CLASP1: variants seen among roughly 807,000 people sequenced by gnomAD.
The protein encoded by CLASP1 is CLIP-associating protein 1.
CLASP1 carries 38 observed loss-of-function variants against 192.3 expected under a neutral mutation model. That is an observed-to-expected ratio of 0.20 (90% CI 0.15 to 0.26). The LOEUF is 0.26. Among genes scored for constraint, CLASP1 ranks in the 10% least tolerant of loss-of-function variants. The pLI is 1.00. For missense variants in CLASP1, 1,433 were observed against 1,932.5 expected (o/e 0.74, Z 4.85); for synonymous variants, 691 against 712.8 (o/e 0.97, Z 0.49).
At chr2:121,354,763 GT>G (rs2065089299) in intron 37 of CLASP1, among the ~76,000 whole-genome samples, 1 of 152,192 alleles carries the variant, frequency 6.6e-6, no homozygotes. Flanking sequence ...AATATCTGAG[GT>G]CCCCTGGGAG....
At chr2:121,401,954 C>A (rs773373001) in intron 26 of CLASP1, 84 bp from the exon 28 acceptor site, 3 of 549,326 alleles carry the variant, frequency 5.5e-6, no homozygotes, top group East Asian at 4.4e-5. Context: ...CATTTTCATG[C>A]GTTTTTTTAA....
intron 34 of CLASP1, among the ~76,000 whole-genome samples, chr2:121,372,664 C>A (rs1371258162): frequency 6.6e-6 from 1 of 152,220 alleles, no homozygotes; most frequent in Admixed American, 6.5e-5. Context: ...TCTGCTCATG[C>A]CCTATTCAAT....
chr2:121,545,103 G>C (rs1043421677), intron 2 of CLASP1, among the ~76,000 whole-genome samples: 9 of 151,900 alleles, frequency 5.9e-5, no homozygotes, highest in African/African-American at 2.2e-4. Context: ...GTAGAGACAG[G>C]GTTTCACTAT....
At chr2:121,489,513 C>G (rs906729124) in intron 8 of CLASP1, among the ~76,000 whole-genome samples, 1 of 152,104 alleles carries the variant, frequency 6.6e-6, no homozygotes, top group African/African-American at 2.4e-5. Flanking sequence ...CTGGAAATAC[C>G]CTTTGAAGAC....
intron 28 of CLASP1, among the ~76,000 whole-genome samples, chr2:121,400,353 G>C (rs1375597929): frequency 6.6e-6 from 1 of 152,160 alleles, no homozygotes; most frequent in Non-Finnish European, 1.5e-5. Context: ...AGGGTCAAGG[G>C]CCAAAAGAAA....
chr2:121,414,893 G>A (rs908051341), intron 23 of CLASP1, among the ~76,000 whole-genome samples: 5 of 151,984 alleles, frequency 3.3e-5, no homozygotes. Flanking sequence ...AAGCAGATCC[G>A]CCTGCCTCAG....
intron 34 of CLASP1, among the ~76,000 whole-genome samples, chr2:121,376,224 C>T (rs1317222554): frequency 1.3e-5 from 2 of 152,162 alleles, no homozygotes; most frequent in African/African-American, 2.4e-5. Context: ...GATGCCTACA[C>T]CCTCATGTTT....
intron 33 of CLASP1, among the ~76,000 whole-genome samples, chr2:121,379,981 G>A (rs1429638311): frequency 6.6e-6 from 1 of 152,172 alleles, no homozygotes; most frequent in Non-Finnish European, 1.5e-5. Context: ...AATTGAAGGT[G>A]TCTTCTTTTA....
chr2:121,439,277 G>GCT (rs1185271561), intron 19 of CLASP1, among the ~76,000 whole-genome samples: 1 of 152,134 alleles, frequency 6.6e-6, no homozygotes, highest in Non-Finnish European at 1.5e-5. Flanking sequence ...CAAAAAACCA[G>GCT]CTCCTGGATT....
rs143805818 is a variant in CLASP1 at position 121,502,247 on chromosome 2, C to T, written c.712+920G>A. ...ATCACAAGCCAGGGACTCTTCAAGG[C>T]GTTGAATTTATGCTCATTGAGAAAA... On this transcript the variant is annotated intron_variant, in intron 8 of 39. Transcript: ENST00000263710. 7.2e-5 allele frequency among the ~76,000 whole-genome samples: 11 copies of T among 152,080 alleles called. No homozygotes were observed. The East Asian group carries it at 1.7e-3, about 24-fold the overall frequency.
chr2:121,513,388 TC>T (rs1395364404), intron 7 of CLASP1, among the ~76,000 whole-genome samples: 1 of 152,238 alleles, frequency 6.6e-6, no homozygotes, highest in Admixed American at 6.5e-5. Flanking sequence ...AACCCTCATT[TC>T]TATTCAGAGG....
intron 2 of CLASP1, among the ~76,000 whole-genome samples, chr2:121,588,173 CAAAAA>C (rs397769809): frequency 8.2e-5 from 5 of 61,060 alleles, no homozygotes; most frequent in East Asian, 9.4e-4. Context: ...GACTCCGTCT[CAAAAA>C]AAAAAAAAAA....
intron 23 of CLASP1, among the ~76,000 whole-genome samples, chr2:121,415,355 A>G (rs1172648130): frequency 1.3e-5 from 2 of 152,210 alleles, no homozygotes; most frequent in African/African-American, 4.8e-5. Flanking sequence ...GAGATTATAA[A>G]GCAACTTAAA....
chr2:121,500,499 G>A (rs1346600093), intron 8 of CLASP1, among the ~76,000 whole-genome samples: 4 of 151,398 alleles, frequency 2.6e-5, no homozygotes, highest in Non-Finnish European at 5.9e-5. Context: ...AGAGGAGGAG[G>A]AGAAAAGGTG....
chr2:121,599,916 C>CAA (rs749861641), intron 2 of CLASP1, among the ~76,000 whole-genome samples: 40 of 78,412 alleles, frequency 5.1e-4, no homozygotes, highest in African/African-American at 1.3e-3. Context: ...GAGACTCTGT[C>CAA]AAAAAAAAAA....
chr2:121,623,721 T>C (rs891725529), intron 1 of CLASP1, among the ~76,000 whole-genome samples: 1 of 152,134 alleles, frequency 6.6e-6, no homozygotes, highest in Admixed American at 6.6e-5. Flanking sequence ...TATTGGTCTA[T>C]TTAGATTTTC....
At position 121,608,018 on chromosome 2, in the gene CLASP1, C is replaced by T. The variant is rs376084931; in HGVS notation, c.-285-1838G>A. Among the ~76,000 whole-genome samples, 61 of 152,306 alleles carry T rather than the reference C, an allele frequency of 4.0e-4. 1 individual carries two copies. In the South Asian group the frequency reaches 0.012, roughly 30 times the overall value. On this transcript the variant is annotated intron_variant, in intron 1 of 39. Coordinates refer to ENST00000263710, the Ensembl canonical transcript of CLASP1. ...GATAGCATTCAACGGGACTTAGTAT[C>T]TCACAGAGCAATCCTTCCTTATATT...
At chr2:121,535,469 G>A (rs1575769822) in intron 2 of CLASP1, among the ~76,000 whole-genome samples, 1 of 152,038 alleles carries the variant, frequency 6.6e-6, no homozygotes, top group East Asian at 1.9e-4. Context: ...AATACATGAA[G>A]AGAACTAAAC....
chr2:121,385,581 CAA>C (rs1478550581), intron 32 of CLASP1, among the ~76,000 whole-genome samples: 1 of 152,164 alleles, frequency 6.6e-6, no homozygotes, highest in Non-Finnish European at 1.5e-5. Context: ...ACAGCACTAT[CAA>C]GTTTTTACTT....
Sources: allele counts gnomAD v4.1 joint callset (sites outside exome capture counted in the v4.1 genomes callset), GRCh38; gene constraint gnomAD v4.1.1; transcripts MANE v1.5; gene names NCBI Gene and HGNC (gene_info 2026-07-23, HGNC 2026-07-21).